Variants in NEXMIF observed in about 807,000 individuals in gnomAD.
The protein encoded by NEXMIF is XLMR protein related to neurite extension.
In NEXMIF, 8 loss-of-function variants were observed where a neutral mutation model predicts 62.1. The ratio of observed to expected loss-of-function variants is 0.13; its 90% CI spans 0.08 to 0.23. NEXMIF has a LOEUF of 0.23. Among genes scored for constraint, NEXMIF ranks in the 10% least tolerant of loss-of-function variants. NEXMIF has a pLI of 1.00. For missense variants in NEXMIF, 976 were observed against 1,113.3 expected, an observed-to-expected ratio of 0.88 and a Z score of 1.75; for synonymous variants, 404 against 416.6, an observed-to-expected ratio of 0.97 and a Z score of 0.37.
intron 1 of NEXMIF, among the ~76,000 whole-genome samples, chrX:74,885,393 C>A (rs969009371): frequency 9.0e-6 from 1 of 111,194 alleles, no homozygotes; most frequent in African/African-American, 3.3e-5. Context: ...AATTGATAGA[C>A]CGCTAGCAAG....
chrX:74,750,091 AG>A (rs1352262825), intron 1 of NEXMIF, among the ~76,000 whole-genome samples: 6 of 111,314 alleles, frequency 5.4e-5, no homozygotes, highest in East Asian at 5.6e-4. Flanking sequence ...GGAGAGACAG[AG>A]GGGGGGAAGA....
intron 1 of NEXMIF, among the ~76,000 whole-genome samples, chrX:74,873,485 A>T (rs796409706): frequency 2.7e-5 from 3 of 111,976 alleles, no homozygotes; most frequent in South Asian, 3.7e-4. Flanking sequence ...GCATGATTTA[A>T]AGTCCTTTGG....
At chrX:74,825,957 G>C (rs962526506) in intron 1 of NEXMIF, among the ~76,000 whole-genome samples, 3 of 112,500 alleles carry the variant, frequency 2.7e-5, no homozygotes, top group Non-Finnish European at 5.6e-5. Flanking sequence ...CTTTGCTATT[G>C]TGAACATGCT....
intron 1 of NEXMIF, among the ~76,000 whole-genome samples, chrX:74,800,064 C>T (rs372059517): frequency 1.3e-4 from 15 of 111,415 alleles, no homozygotes; most frequent in African/African-American, 4.9e-4. Context: ...CAAAGAACAC[C>T]AGACCCAACA....
chrX:74,824,742 G>C (rs761284200), intron 1 of NEXMIF, among the ~76,000 whole-genome samples: 16 of 108,387 alleles, frequency 1.5e-4, no homozygotes, highest in African/African-American at 5.4e-4. Context: ...TCCGCCTCCC[G>C]GATTCACGCC....
rs1306552449 is a variant in NEXMIF at position 74,736,454 on chromosome X, C to T, written c.*2951G>A. 1.8e-5 allele frequency: 2 copies of T among 111,231 alleles called. No homozygotes were observed. The highest frequency in any genetic ancestry group is 9.1e-3 in the Middle Eastern group (2 of 219). The allele number at this position is 111,231 out of a possible 1,213,427, so 9.2% of individuals were successfully genotyped here. A position where few individuals can be genotyped will look rare whatever the true frequency, so the allele number is the denominator to read the frequency against. On this transcript the variant is annotated 3_prime_UTR_variant, in exon 4 of 4. Transcript: ENST00000055682. The stretch of plus-strand genomic sequence containing the variant: ...GAGGCATTAATAGGAAACAGCTTCT[C>T]AGAGGGGGAAGGTTAGAAGGGAGCG...
chrX:74,830,849 G>A (rs1471630659), intron 1 of NEXMIF, among the ~76,000 whole-genome samples: 1 of 111,500 alleles, frequency 9.0e-6, no homozygotes, highest in Non-Finnish European at 1.9e-5. Flanking sequence ...TCCTTTTTCA[G>A]ATTATTCACT....
intron 1 of NEXMIF, among the ~76,000 whole-genome samples, chrX:74,870,874 A>C (rs2080597940): frequency 8.9e-6 from 1 of 112,124 alleles, no homozygotes; most frequent in African/African-American, 3.2e-5. Context: ...GGAATGTATT[A>C]TATATTAGTA....
intron 1 of NEXMIF, among the ~76,000 whole-genome samples, chrX:74,912,323 C>A (rs1358221480): frequency 9.0e-6 from 1 of 111,518 alleles, no homozygotes; most frequent in Non-Finnish European, 1.9e-5. Flanking sequence ...TCACTCTTTT[C>A]TGTTAACGTT....
chrX:74,850,989 T>C (rs888498007), intron 1 of NEXMIF, among the ~76,000 whole-genome samples: 5 of 109,492 alleles, frequency 4.6e-5, no homozygotes, highest in African/African-American at 1.7e-4. Flanking sequence ...CAATTCAGTA[T>C]ATTAATGAGA....
At chrX:74,765,526 A>G (rs2147452192) in intron 1 of NEXMIF, among the ~76,000 whole-genome samples, 1 of 111,881 alleles carries the variant, frequency 8.9e-6, no homozygotes, top group Non-Finnish European at 1.9e-5. Context: ...GTGTCATTGG[A>G]CAGTGTACTT....
intron 1 of NEXMIF, among the ~76,000 whole-genome samples, chrX:74,823,187 A>T (rs1398943209): frequency 8.9e-6 from 1 of 111,965 alleles, no homozygotes; most frequent in African/African-American, 3.2e-5. Flanking sequence ...GTTACCTAGG[A>T]TCAGAAATGG....
rs397897060 is a variant in NEXMIF, at chrX:74,903,325, T to TACACACACACACACACAC, written c.-48+21540_-48+21557dup. Among the ~76,000 whole-genome samples, 41 of 51,249 alleles carry TACACACACACACACACAC rather than the reference T, an allele frequency of 8.0e-4. 7 individuals are homozygous for TACACACACACACACACAC. The East Asian group carries it at 0.012, about 15-fold the overall frequency. The allele number at this position is 51,249 out of a possible 115,157, so 44.5% of individuals were successfully genotyped here. On this transcript the variant is annotated intron_variant, in intron 1 of 3. Coordinates refer to ENST00000055682, the MANE Select transcript of NEXMIF (RefSeq NM_001008537.3). ...TGGAGTCCTCACTGATTCTCAGGCA[T>TACACACACACACACACAC]ACACACACACACACACACACACACA...
chrX:74,763,606 AT>A (rs2147451152), intron 1 of NEXMIF, among the ~76,000 whole-genome samples: 1 of 111,690 alleles, frequency 9.0e-6, no homozygotes, highest in South Asian at 3.8e-4. Flanking sequence ...TGAGCATGGA[AT>A]GTTTTTCCAT....
At chrX:74,803,445 G>A (rs1428539745) in intron 1 of NEXMIF, among the ~76,000 whole-genome samples, 1 of 110,889 alleles carries the variant, frequency 9.0e-6, no homozygotes, top group Non-Finnish European at 1.9e-5. Context: ...GCAGGCGCCT[G>A]TAGTCCCAGC....
chrX:74,829,242 T>A (rs903786971), intron 1 of NEXMIF, among the ~76,000 whole-genome samples: 2 of 112,247 alleles, frequency 1.8e-5, no homozygotes, highest in African/African-American at 6.5e-5. Context: ...TGTGCAATTA[T>A]GTCCATGAGT....
At chrX:74,897,548 G>C (rs2147368046) in intron 1 of NEXMIF, among the ~76,000 whole-genome samples, 1 of 111,384 alleles carries the variant, frequency 9.0e-6, no homozygotes, top group Admixed American at 9.6e-5. Context: ...AGGGTAAGGA[G>C]AGTGAAAGGA....
rs143462762 is a variant in NEXMIF, at chrX:74,868,965, T to C, written c.-48+55918A>G. Among the ~76,000 whole-genome samples, 114 of 110,723 alleles carry C rather than the reference T, an allele frequency of 1.0e-3. No individual in the cohort carries two copies. The East Asian group carries it at 0.025, about 24-fold the overall frequency. On this transcript the variant is annotated intron_variant, in intron 1 of 3. Transcript: ENST00000055682. ...CAATAAATAGAGGAGAAGAAAATAC[T>C]TCCAATCTCATTGTACAAGGCCAGT...
intron 1 of NEXMIF, among the ~76,000 whole-genome samples, chrX:74,829,963 G>A (rs1443054134): frequency 9.0e-6 from 1 of 111,486 alleles, no homozygotes; most frequent in Non-Finnish European, 1.9e-5. Context: ...CTTGTCAGAT[G>A]GGTAGTTTGC....
Sources: gnomAD v4.1 joint callset for allele counts (sites outside exome capture counted in the v4.1 genomes callset) on GRCh38, gnomAD v4.1.1 for gene constraint, MANE v1.5 for transcripts, NCBI Gene and HGNC (gene_info 2026-07-23, HGNC 2026-07-21) for gene names.